The following GAS2 variants were observed in gnomAD, a reference collection of about 807,000 sequenced individuals.
The protein encoded by GAS2 is growth arrest-specific protein 2.
In GAS2, 20 loss-of-function variants were observed where a neutral mutation model predicts 37.5. The observed-to-expected ratio is 0.53, with a 90% CI of 0.37 to 0.77. The LOEUF (loss-of-function observed/expected upper bound fraction) is 0.77. GAS2 is among the 30% of genes least tolerant of loss of function. The probability of loss-of-function intolerance (pLI) is 0.00; values close to 1 mark genes in which losing one functional copy is unlikely to be tolerated. For synonymous variants in GAS2, 144 were observed against 132.2 expected, an observed-to-expected ratio of 1.09 and a Z score of -0.61; for missense variants, 336 against 373.4, an observed-to-expected ratio of 0.90 and a Z score of 0.82.
At chr11:22,650,429 T>C (rs1333499365) in intron 1 of GAS2, among the ~76,000 whole-genome samples, 14 of 152,080 alleles carry the variant, frequency 9.2e-5, no homozygotes. Context: ...AGATGTCTAT[T>C]AGGTCCGTTT....
chr11:22,644,287 C>G (rs1397475960), intron 1 of GAS2, among the ~76,000 whole-genome samples: 1 of 152,084 alleles, frequency 6.6e-6, no homozygotes, highest in African/African-American at 2.4e-5. Context: ...TTCCCCAGAG[C>G]TCCCTAGCAT....
chr11:22,736,573 C>T (rs1852767037), intron 4 of GAS2, among the ~76,000 whole-genome samples: 1 of 151,998 alleles, frequency 6.6e-6, no homozygotes, highest in South Asian at 2.1e-4. Flanking sequence ...ACTACACACA[C>T]CCAGCAAATT....
At chr11:22,628,487 A>G (rs565596589) in intron 1 of GAS2, among the ~76,000 whole-genome samples, 137 of 152,312 alleles carry the variant, frequency 9.0e-4, no homozygotes, top group Admixed American at 1.8e-3. Context: ...AATTCCTGGG[A>G]TACAGTAAAT....
intron 6 of GAS2, among the ~76,000 whole-genome samples, chr11:22,755,250 G>C (rs1474533594): frequency 6.6e-6 from 1 of 152,044 alleles, no homozygotes; most frequent in Non-Finnish European, 1.5e-5. Flanking sequence ...CAAAGAAGTA[G>C]GGTTTGATAG....
chr11:22,729,235 G>A (rs1418642446), intron 4 of GAS2, among the ~76,000 whole-genome samples: 1 of 151,930 alleles, frequency 6.6e-6, no homozygotes, highest in Non-Finnish European at 1.5e-5. Context: ...GTCTTTGCCT[G>A]CATAAAGCAT....
intron 7 of GAS2, among the ~76,000 whole-genome samples, chr11:22,791,963 G>T (rs1249227178): frequency 6.6e-6 from 1 of 152,150 alleles, no homozygotes; most frequent in Non-Finnish European, 1.5e-5. Flanking sequence ...AAATACAAAA[G>T]GCACAGGAAG....
intron 4 of GAS2, among the ~76,000 whole-genome samples, chr11:22,727,279 G>A (rs867325591): frequency 1.3e-5 from 2 of 151,840 alleles, no homozygotes; most frequent in Admixed American, 1.3e-4. Flanking sequence ...AAAAAACTTC[G>A]CTTTCTTTTT....
At chr11:22,706,944 C>G (rs1241616358) in intron 3 of GAS2, among the ~76,000 whole-genome samples, 3 of 152,082 alleles carry the variant, frequency 2.0e-5, no homozygotes, top group Non-Finnish European at 4.4e-5. Context: ...AGTTTACAGT[C>G]CCACCAACAG....
chr11:22,688,750 G>C (rs1296393394), intron 3 of GAS2, among the ~76,000 whole-genome samples: 3 of 151,924 alleles, frequency 2.0e-5, no homozygotes, highest in African/African-American at 7.3e-5. Context: ...TTGTGATAAA[G>C]GTTTTAGTAT....
chr11:22,639,726 A>G (rs1412862996), intron 1 of GAS2, among the ~76,000 whole-genome samples: 3 of 152,176 alleles, frequency 2.0e-5, no homozygotes, highest in African/African-American at 7.2e-5. Flanking sequence ...TTAATGGGGA[A>G]AACACACTAG....
intron 1 of GAS2, among the ~76,000 whole-genome samples, chr11:22,655,610 G>A (rs1171451011): frequency 2.7e-4 from 41 of 152,244 alleles, no homozygotes; most frequent in Admixed American, 2.7e-3. Context: ...TTTTCTTTGG[G>A]AAAAATTAGT....
intron 1 of GAS2, among the ~76,000 whole-genome samples, chr11:22,658,992 G>A (rs997418921): frequency 1.5e-4 from 23 of 152,170 alleles, no homozygotes; most frequent in Non-Finnish European, 2.5e-4. Context: ...GTATGATTTT[G>A]TTATTGCCTC....
At chr11:22,680,368 A>G (rs4923015) in intron 2 of GAS2, among the ~76,000 whole-genome samples, 3,777 of 152,240 alleles carry the variant, frequency 0.025, 74 homozygotes, top group East Asian at 0.066. Context: ...AGTGTGAAGC[A>G]GGTGCTGGTC....
intron 7 of GAS2, among the ~76,000 whole-genome samples, chr11:22,764,916 C>T (rs1854607863): frequency 6.6e-6 from 1 of 152,162 alleles, no homozygotes. Context: ...TTTACCATGG[C>T]TTTAAATTGT....
intron 7 of GAS2, among the ~76,000 whole-genome samples, chr11:22,778,532 A>T (rs1282773504): frequency 1.3e-5 from 2 of 152,224 alleles, no homozygotes; most frequent in Non-Finnish European, 2.9e-5. Context: ...GTGATATTTG[A>T]AGTGAGATGT....
At chr11:22,688,215 A>G (rs527739879) in intron 3 of GAS2, 2 of 152,358 alleles carry the variant, frequency 1.3e-5, no homozygotes, top group Admixed American at 1.3e-4. Context: ...TTACATATGT[A>G]TAGCTTCCAT....
intron 7 of GAS2, among the ~76,000 whole-genome samples, chr11:22,798,830 C>T (rs1856542159): frequency 6.6e-6 from 1 of 152,046 alleles, no homozygotes; most frequent in Non-Finnish European, 1.5e-5. Context: ...ATCCATGGAA[C>T]ACCTGCTGTC....
At chr11:22,704,145 A>T (rs1850983774) in intron 3 of GAS2, among the ~76,000 whole-genome samples, 1 of 152,106 alleles carries the variant, frequency 6.6e-6, no homozygotes, top group African/African-American at 2.4e-5. Context: ...GTTATGGAGG[A>T]TGTGAAGCAA....
intron 7 of GAS2, among the ~76,000 whole-genome samples, chr11:22,766,034 C>G (rs1854674320): frequency 6.6e-6 from 1 of 152,192 alleles, no homozygotes; most frequent in South Asian, 2.1e-4. Context: ...CGAGAGCTCA[C>G]TTATCACCAA....
Sources: allele counts gnomAD v4.1 joint callset (sites outside exome capture counted in the v4.1 genomes callset), GRCh38; gene constraint gnomAD v4.1.1; transcripts MANE v1.5; gene names NCBI Gene and HGNC (gene_info 2026-07-23, HGNC 2026-07-21).